Variants in CFAP97 observed in about 807,000 individuals in gnomAD.
CFAP97 encodes the protein cilia- and flagella-associated protein 97.
CFAP97 carries 36 observed loss-of-function variants against 43.1 expected under a neutral mutation model. The ratio of observed to expected loss-of-function variants is 0.84; its 90% CI spans 0.64 to 1.10. The LOEUF (loss-of-function observed/expected upper bound fraction) is 1.10, where lower values mean the gene tolerates loss of function less well. Ranked by LOEUF, CFAP97 falls within the 50% of genes least tolerant of loss-of-function variation. CFAP97 has a pLI of 0.00. For missense variants in CFAP97, 657 were observed against 620.3 expected (o/e 1.06, Z -0.63); for synonymous variants, 228 against 225.7 (o/e 1.01, Z -0.09).
chr4:185,207,202 C>T (rs906161623), upstream of CFAP97, among the ~76,000 whole-genome samples: 1 of 147,654 alleles, frequency 6.8e-6, no homozygotes, highest in Non-Finnish European at 1.5e-5. Context: ...TAAATTTAAC[C>T]AGTCACACTT....
intron 2 of CFAP97, among the ~76,000 whole-genome samples, chr4:185,181,385 G>C (rs1285051671): frequency 7.0e-6 from 1 of 143,092 alleles, no homozygotes; most frequent in Non-Finnish European, 1.5e-5. Flanking sequence ...GAATGCAATG[G>C]CGCGATCTTG....
At chr4:185,196,971 C>T (rs1039100739) in intron 1 of CFAP97, among the ~76,000 whole-genome samples, 6 of 151,650 alleles carry the variant, frequency 4.0e-5, no homozygotes, top group East Asian at 1.9e-4. Flanking sequence ...TGGTGGCAGG[C>T]GCCTGTAATC....
At position 185,191,046 on chromosome 4, in the gene CFAP97, C is replaced by T. The variant is rs769200893; in HGVS notation, c.151G>A (p.Val51Ile). ...GTTTGCATTCCAGTGTTCGAATTTA[C>T]ATTTTTTGTATCTTTATCTATTCTT... ...KERIDKDTKN[V>I]NSNTGMQTTE... Residue 51 changes from valine to isoleucine, a missense_variant, in exon 2 of 5, where the codon GTA (valine) becomes ATA (isoleucine). Transcript: ENST00000458385. 1.2e-6 allele frequency: 2 copies of T among 1,613,378 alleles called. No individual in the cohort carries two copies. Among genetic ancestry groups the T allele is most frequent in the South Asian group, 2.2e-5 (2 of 90,922 alleles).
intron 3 of CFAP97, among the ~76,000 whole-genome samples, chr4:185,175,465 G>T (rs764950766): frequency 2.4e-4 from 36 of 151,962 alleles, no homozygotes; most frequent in Non-Finnish European, 1.9e-4. Flanking sequence ...TGGTAGAGCT[G>T]GGGTTTTGCC....
At chr4:185,192,798 T>G (rs539088401) in intron 1 of CFAP97, among the ~76,000 whole-genome samples, 1 of 137,032 alleles carries the variant, frequency 7.3e-6, no homozygotes, top group South Asian at 2.4e-4. Flanking sequence ...TGGAGTGCAG[T>G]GGTGCAATCT....
At chr4:185,202,478 G>C (rs1407267552) in intron 1 of CFAP97, among the ~76,000 whole-genome samples, 1 of 151,970 alleles carries the variant, frequency 6.6e-6, no homozygotes, top group Non-Finnish European at 1.5e-5. Context: ...GAACCTGGGA[G>C]CTGAGGCTGC....
intron 2 of CFAP97, among the ~76,000 whole-genome samples, chr4:185,187,469 G>A (rs1736050430): frequency 6.6e-6 from 1 of 151,988 alleles, no homozygotes; most frequent in Admixed American, 6.6e-5. Context: ...TTGCGACACA[G>A]AGAGGCATGG....
chr4:185,189,999 G>T, intron 2 of CFAP97, 144 bp downstream of exon 2: 1 of 568,588 alleles, frequency 1.8e-6, no homozygotes, highest in Non-Finnish European at 2.9e-6. Flanking sequence ...TGGTAAAATA[G>T]AGTATTTGGT....
At chr4:185,175,028 G>A (rs766035564) in intron 3 of CFAP97, among the ~76,000 whole-genome samples, 1 of 152,028 alleles carries the variant, frequency 6.6e-6, no homozygotes, top group Non-Finnish European at 1.5e-5. Flanking sequence ...TTAGCAATTT[G>A]GCCTATTCGA....
In CFAP97 at chr4:185,192,733, C is replaced by CTTTTTTTTTTTTTTTTTTTTTTTTTTTTT. The variant is rs760026667; in HGVS notation, c.-16-1522_-16-1521insAAAAAAAAAAAAAAAAAAAAAAAAAAAAA. 7.4e-5 allele frequency among the ~76,000 whole-genome samples: 6 copies of CTTTTTTTTTTTTTTTTTTTTTTTTTTTTT among 81,420 alleles called. 1 individual carries two copies. Among genetic ancestry groups the CTTTTTTTTTTTTTTTTTTTTTTTTTTTTT allele is most frequent in the Admixed American group, 3.1e-4 (2 of 6,494 alleles). The allele number at this position is 81,420 out of a possible 152,430, so 53.4% of individuals were successfully genotyped here. ...CCTTCTTAAGATCAGAATTGACCTT[C>CTTTTTTTTTTTTTTTTTTTTTTTTTTTTT]TTTTTTTTTTTTTTTTTTTTTTTTT... On this transcript the variant is annotated intron_variant, in intron 1 of 4. Transcript: ENST00000458385.
chr4:185,163,133 C>T (rs1368123943), intron 4 of CFAP97, among the ~76,000 whole-genome samples: 1 of 151,996 alleles, frequency 6.6e-6, no homozygotes, highest in African/African-American at 2.4e-5. Context: ...ACTGGATTGG[C>T]GTGGAAAACA....
At chr4:185,169,517 T>C (rs1013296336) in intron 3 of CFAP97, 13 of 738,714 alleles carry the variant, frequency 1.8e-5, no homozygotes, top group African/African-American at 3.8e-5. Flanking sequence ...TGTTTATAAA[T>C]TACCCAGTCT....
At chr4:185,187,774 T>C (rs1736065467) in intron 2 of CFAP97, among the ~76,000 whole-genome samples, 1 of 151,518 alleles carries the variant, frequency 6.6e-6, no homozygotes, top group Non-Finnish European at 1.5e-5. Flanking sequence ...TCAGAATCCC[T>C]GTGTGCAGAG....
intron 2 of CFAP97, among the ~76,000 whole-genome samples, chr4:185,179,568 G>T (rs1457384502): frequency 6.6e-6 from 1 of 152,128 alleles, no homozygotes; most frequent in Non-Finnish European, 1.5e-5. Flanking sequence ...TGGCTGAGAC[G>T]TGAGGAAGCC....
intron 1 of CFAP97, among the ~76,000 whole-genome samples, chr4:185,194,067 C>A (rs1366408789): frequency 1.3e-5 from 2 of 152,208 alleles, no homozygotes; most frequent in African/African-American, 4.8e-5. Context: ...TTTATTGGAA[C>A]ACAGCCCCAC....
In CFAP97 at chr4:185,160,788, C is replaced by CA. The variant is rs1560850083; in HGVS notation, c.*2009dup. The CA allele has an allele frequency of 6.7e-6, 1 of 149,986 alleles. No homozygotes were observed. The highest frequency in any genetic ancestry group is 1.5e-5 in the Non-Finnish European group (1 of 67,566). The allele number at this position is 149,986 out of a possible 1,614,324, so 9.3% of individuals were successfully genotyped here. Reference sequence around the variant, plus strand: ...CAACAAAGATAATATAAAATGTACTCAGAGACTAATGCCATTATGAACAGA... The same window carrying CA: ...CAACAAAGATAATATAAAATGTACTCAAGAGACTAATGCCATTATGAACAGA... On this transcript the variant is annotated 3_prime_UTR_variant, in exon 5 of 5. Transcript: ENST00000458385.
intron 1 of CFAP97, among the ~76,000 whole-genome samples, chr4:185,198,698 A>G (rs2111419050): frequency 6.6e-6 from 1 of 150,442 alleles, no homozygotes; most frequent in East Asian, 2.0e-4. Flanking sequence ...CTGAGGCAGG[A>G]GAATCACTTG....
Position 185,160,084 on chromosome 4 carries a change from G to A in CFAP97, c.*2714C>T, listed in dbSNP as rs1314805020. The A allele has an allele frequency of 6.0e-5, 8 of 132,386 alleles. No homozygotes were observed. Among genetic ancestry groups the A allele is most frequent in the African/African-American group, 2.2e-4 (8 of 35,772 alleles). 8.2% of individuals were successfully genotyped at this position (132,386 alleles called of 1,614,324 possible). On this transcript the variant is annotated 3_prime_UTR_variant, in exon 5 of 5. Coordinates refer to ENST00000458385, the MANE Select transcript of CFAP97 (RefSeq NM_020827.3). Reference sequence around the variant, plus strand: ...TCAGGTTAGCGGAGAGAAAACAACTGCATTACACTACATTTTTAAGCAAAC... The same window carrying A: ...TCAGGTTAGCGGAGAGAAAACAACTACATTACACTACATTTTTAAGCAAAC...
intron 2 of CFAP97, among the ~76,000 whole-genome samples, chr4:185,178,988 G>C (rs767368262): frequency 3.3e-5 from 5 of 152,152 alleles, no homozygotes; most frequent in Non-Finnish European, 5.9e-5. Context: ...CGGACAAAGA[G>C]AGGGGCGCTA....
Sources: gnomAD v4.1 joint callset for allele counts (sites outside exome capture counted in the v4.1 genomes callset) on GRCh38, gnomAD v4.1.1 for gene constraint, MANE v1.5 for transcripts, NCBI Gene and HGNC (gene_info 2026-07-23, HGNC 2026-07-21) for gene names.